SLC2A13: variants seen among roughly 807,000 people sequenced by gnomAD.
SLC2A13 encodes solute carrier family 2 member 13, also known as proton myo-inositol cotransporter.
A neutral mutation model predicts 64.4 loss-of-function variants in SLC2A13; 32 were observed. The observed-to-expected ratio is 0.50, with a 90% CI of 0.37 to 0.67. SLC2A13 has a LOEUF of 0.67. Ranked by LOEUF, SLC2A13 falls within the 30% of genes least tolerant of loss-of-function variation. The probability of loss-of-function intolerance (pLI) is 0.00; values close to 1 mark genes in which losing one functional copy is unlikely to be tolerated. For synonymous variants in SLC2A13, 338 were observed against 327.1 expected (o/e 1.03, Z -0.36); for missense variants, 743 against 829.2 (o/e 0.90, Z 1.28).
intron 4 of SLC2A13, among the ~76,000 whole-genome samples, chr12:39,896,375 T>C (rs1944881822): frequency 7.5e-6 from 1 of 133,060 alleles, no homozygotes; most frequent in African/African-American, 2.8e-5. Flanking sequence ...TATGTATACA[T>C]ATATGTATGT....
chr12:39,779,071 C>G (rs1016995276), intron 7 of SLC2A13, among the ~76,000 whole-genome samples: 1 of 152,168 alleles, frequency 6.6e-6, no homozygotes, highest in African/African-American at 2.4e-5. Flanking sequence ...GAAGAGTCAT[C>G]CCTACAGCTG....
intron 5 of SLC2A13, among the ~76,000 whole-genome samples, chr12:39,869,391 C>G (rs1592224496): frequency 6.6e-6 from 1 of 152,140 alleles, no homozygotes; most frequent in Non-Finnish European, 1.5e-5. Context: ...AAAGAGGAGA[C>G]CTGTGAGGCT....
At chr12:39,777,112 C>G (rs1372106967) in intron 7 of SLC2A13, among the ~76,000 whole-genome samples, 1 of 152,126 alleles carries the variant, frequency 6.6e-6, no homozygotes, top group Non-Finnish European at 1.5e-5. Context: ...CCTTGTCACT[C>G]AAGAAAAAAC....
chr12:40,033,081 CACA>C (rs776466800), intron 2 of SLC2A13, among the ~76,000 whole-genome samples: 7 of 152,196 alleles, frequency 4.6e-5, no homozygotes, highest in East Asian at 1.9e-4. Context: ...CCCATGATTT[CACA>C]ACAACCCTAT....
At chr12:39,899,582 A>G (rs1292001703) in intron 4 of SLC2A13, among the ~76,000 whole-genome samples, 1 of 151,812 alleles carries the variant, frequency 6.6e-6, no homozygotes, top group African/African-American at 2.4e-5. Flanking sequence ...TAGGGTGTCA[A>G]TTTTGGATCT....
At chr12:39,963,747 T>C (rs1029696211) in intron 3 of SLC2A13, among the ~76,000 whole-genome samples, 1 of 152,248 alleles carries the variant, frequency 6.6e-6, no homozygotes, top group South Asian at 2.1e-4. Flanking sequence ...TGTATTTGTA[T>C]AGATATTTAA....
intron 4 of SLC2A13, among the ~76,000 whole-genome samples, chr12:39,924,474 C>T (rs1232340890): frequency 6.6e-6 from 1 of 151,606 alleles, no homozygotes. Context: ...TTCAATTCTT[C>T]TTCCTTCATT....
At chr12:40,080,325 G>A (rs1010051609) in intron 1 of SLC2A13, among the ~76,000 whole-genome samples, 6 of 152,162 alleles carry the variant, frequency 3.9e-5, no homozygotes, top group African/African-American at 1.4e-4. Context: ...ATACAGTTGG[G>A]TCTTCTTCTT....
intron 7 of SLC2A13, 142 bp downstream of exon 7, chr12:39,829,961 T>C (rs555002008): frequency 2.0e-6 from 2 of 1,017,308 alleles, no homozygotes; most frequent in South Asian, 2.9e-5. Context: ...GCATCCACTA[T>C]CACCAGTATA....
At chr12:40,039,827 C>A (rs1948055829) in intron 2 of SLC2A13, among the ~76,000 whole-genome samples, 1 of 152,212 alleles carries the variant, frequency 6.6e-6, no homozygotes, top group African/African-American at 2.4e-5. Flanking sequence ...TTATCACCTA[C>A]AGTCCAAAGT....
chr12:39,914,907 T>C (rs1945498890), intron 4 of SLC2A13, among the ~76,000 whole-genome samples: 1 of 151,936 alleles, frequency 6.6e-6, no homozygotes, highest in African/African-American at 2.4e-5. Flanking sequence ...TTATTAAAGA[T>C]CTAAAATGCA....
chr12:39,972,079 T>TATATTTATAATTTATATATATAGAATTC (rs1946669371), intron 3 of SLC2A13, among the ~76,000 whole-genome samples: 1 of 115,106 alleles, frequency 8.7e-6, no homozygotes, highest in Non-Finnish European at 1.7e-5. Context: ...ATATAGAATT[T>TATATTTATAATTTATATATATAGAATTC]ATATTTATAT....
intron 3 of SLC2A13, among the ~76,000 whole-genome samples, chr12:39,976,249 T>C (rs969791921): frequency 4.6e-5 from 7 of 152,214 alleles, no homozygotes; most frequent in African/African-American, 1.7e-4. Flanking sequence ...ACCATCTTTT[T>C]AGTTACTGTC....
intron 5 of SLC2A13, among the ~76,000 whole-genome samples, chr12:39,870,533 G>A (rs1323104439): frequency 1.3e-5 from 2 of 152,118 alleles, no homozygotes; most frequent in African/African-American, 4.8e-5. Context: ...ATACCTGGTA[G>A]GCTTCTGCCT....
chr12:39,882,939 T>C (rs1252354232), intron 4 of SLC2A13, among the ~76,000 whole-genome samples: 1 of 152,220 alleles, frequency 6.6e-6, no homozygotes, highest in East Asian at 1.9e-4. Flanking sequence ...GAATAGTCTA[T>C]GTGTGTTTCA....
chr12:39,964,537 A>G (rs1946472265), intron 3 of SLC2A13, among the ~76,000 whole-genome samples: 1 of 152,234 alleles, frequency 6.6e-6, no homozygotes, highest in South Asian at 2.1e-4. Flanking sequence ...AGGAGGACAT[A>G]TAACCATATC....
At chr12:39,853,388 C>G (rs1441744624) in intron 6 of SLC2A13, among the ~76,000 whole-genome samples, 1 of 151,734 alleles carries the variant, frequency 6.6e-6, no homozygotes, top group East Asian at 1.9e-4. Context: ...TTCTCAGGGT[C>G]CCCAAAATTC....
At position 39,871,920 on chromosome 12, in the gene SLC2A13, T is replaced by A. The variant is rs1276735694; in HGVS notation, c.1076A>T (p.Asp359Val). ...ATILQMSGVE[D>V]DRLAIWLASV... Reference sequence around the variant, plus strand: ...AGCCAGCCATATTGCAAGTCTATCATCTTCAACACCAGACATCTGCAGAAT... The same window carrying A: ...AGCCAGCCATATTGCAAGTCTATCAACTTCAACACCAGACATCTGCAGAAT... Residue 359 changes from aspartate to valine, a missense_variant, in exon 5 of 10, where the codon GAT (aspartate) becomes GTT (valine). By Grantham distance (152) the Asp-to-Val change is radical (BLOSUM62 -3). Around this residue, in one of 2 missense-constraint regions of SLC2A13, gnomAD observed 295 missense variants for 381.7 expected, o/e 0.77. Transcript: ENST00000280871. 17 of 1,610,148 alleles carry A rather than the reference T, an allele frequency of 1.1e-5. No individual in the cohort carries two copies. The highest frequency in any genetic ancestry group is 1.4e-5 in the Non-Finnish European group (17 of 1,178,428).
In SLC2A13 at chr12:39,759,982, C is replaced by G. The variant is rs1173025172; in HGVS notation, c.*44G>C. On this transcript the variant is annotated 3_prime_UTR_variant, in exon 10 of 10. Transcript: ENST00000280871. ...TGAAGTCACCAATTGCTGTTCTTCT[C>G]CCCCCAGTTTGTTTAAATAACTAAA... 1.4e-6 allele frequency: 2 copies of G among 1,480,706 alleles called. No homozygotes were observed. The highest frequency in any genetic ancestry group is 1.9e-6 in the Non-Finnish European group (2 of 1,065,126). The allele number at this position is 1,480,706 out of a possible 1,614,324, so 91.7% of individuals were successfully genotyped here. A position where few individuals can be genotyped will look rare whatever the true frequency, so the allele number is the denominator to read the frequency against.
Sources: allele counts gnomAD v4.1 joint callset (sites outside exome capture counted in the v4.1 genomes callset), GRCh38; gene constraint gnomAD v4.1.1; regional missense constraint gnomAD v4.1.1; transcripts MANE v1.5; gene names NCBI Gene and HGNC (gene_info 2026-07-23, HGNC 2026-07-21).